GLIS3: variants seen among roughly 807,000 people sequenced by gnomAD.
The protein encoded by GLIS3 is zinc finger protein GLIS3.
GLIS3 carries 53 observed loss-of-function variants against 78.6 expected under a neutral mutation model. That is an observed-to-expected ratio of 0.67 (90% CI 0.54 to 0.85). GLIS3 has a LOEUF of 0.85. Ranked by LOEUF, GLIS3 falls within the 40% of genes least tolerant of loss-of-function variation. GLIS3 has a pLI of 0.00. For missense variants in GLIS3, 1,703 were observed against 1,231.1 expected, an observed-to-expected ratio of 1.38 and a Z score of -5.74; for synonymous variants, 684 against 509.9, an observed-to-expected ratio of 1.34 and a Z score of -4.60.
chr9:4,303,590 A>G (rs888361719), upstream of GLIS3, among the ~76,000 whole-genome samples: 14 of 152,232 alleles, frequency 9.2e-5, no homozygotes, highest in Non-Finnish European at 1.8e-4. Flanking sequence ...CATTCACAAC[A>G]TCATACCTCT....
At chr9:4,244,033 C>T (rs1823573218) in intron 2 of GLIS3, among the ~76,000 whole-genome samples, 2 of 152,238 alleles carry the variant, frequency 1.3e-5, no homozygotes, top group African/African-American at 2.4e-5. Context: ...CCCCCATGCA[C>T]ATACGTGCAT....
intron 2 of GLIS3, among the ~76,000 whole-genome samples, chr9:4,209,530 G>C (rs763130737): frequency 7.9e-5 from 12 of 152,138 alleles, no homozygotes; most frequent in Non-Finnish European, 1.5e-4. Context: ...CCAGCAACAA[G>C]TCTGTGCTAT....
intron 2 of GLIS3, among the ~76,000 whole-genome samples, chr9:4,187,268 CTTGT>C (rs1391804413): frequency 6.6e-6 from 1 of 152,162 alleles, no homozygotes; most frequent in Non-Finnish European, 1.5e-5. Flanking sequence ...TTCCCCATTG[CTTGT>C]TTTTCTCAGG....
intron 7 of GLIS3, among the ~76,000 whole-genome samples, chr9:3,884,123 CA>C (rs1220543889): frequency 6.6e-6 from 1 of 152,176 alleles, no homozygotes; most frequent in African/African-American, 2.4e-5. Flanking sequence ...ACCTTTAGCT[CA>C]GGTTAATTTG....
chr9:4,218,320 G>T (rs538424540), intron 2 of GLIS3, among the ~76,000 whole-genome samples: 2 of 151,736 alleles, frequency 1.3e-5, no homozygotes, highest in African/African-American at 4.8e-5. Context: ...GTCTCGCTCT[G>T]TCGCCCACAG....
intron 4 of GLIS3, among the ~76,000 whole-genome samples, chr9:4,025,708 G>T (rs944360592): frequency 2.6e-5 from 4 of 152,142 alleles, no homozygotes; most frequent in African/African-American, 9.7e-5. Context: ...TAGATCACAT[G>T]ATAGAATTAA....
Position 4,335,667 on chromosome 9 carries a change from C to G in GLIS3, n.264+11414G>C, listed in dbSNP as rs10974474. The stretch of plus-strand genomic sequence containing the variant: ...GGGTTAAACAAGGGCACTTTCAACA[C>G]GGCTTAGGGTTTTAGTTTAAACCTG... On this transcript the variant is annotated intron_variant and non_coding_transcript_variant, in intron 2 of 4. Coordinates refer to the GLIS3 transcript ENST00000471664. 3.9e-3 allele frequency among the ~76,000 whole-genome samples: 590 copies of G among 152,232 alleles called. 7 individuals are homozygous for G. Among genetic ancestry groups the G allele is most frequent in the African/African-American group, 0.014 (562 of 41,528 alleles).
intron 9 of GLIS3, among the ~76,000 whole-genome samples, chr9:3,846,466 C>T (rs1014877040): frequency 4.6e-5 from 7 of 152,188 alleles, no homozygotes; most frequent in East Asian, 3.9e-4. Context: ...GCTGCAATGA[C>T]GTGAGCATCT....
At chr9:4,246,952 T>A (rs1197322065) in intron 2 of GLIS3, among the ~76,000 whole-genome samples, 1 of 152,240 alleles carries the variant, frequency 6.6e-6, no homozygotes, top group Non-Finnish European at 1.5e-5. Context: ...TCAAGCCAGC[T>A]CACAGCTAGT....
chr9:4,170,995 G>A lies in GLIS3; in HGVS notation c.389-45054C>T, dbSNP rs75808366. ...GAACTGTGTCATGGTAGCACATGCA[G>A]ATCACACAAAGGGAATCATACGAGA... On this transcript the variant is annotated intron_variant, in intron 2 of 10. Transcript: ENST00000381971. Among the ~76,000 whole-genome samples the A allele has an allele frequency of 1.8e-4, 27 of 152,250 alleles. No homozygotes were observed. The East Asian group carries it at 5.2e-3, about 29-fold the overall frequency.
At chr9:4,311,098 G>A (rs1455272890) in intron 2 of GLIS3, among the ~76,000 whole-genome samples, 3 of 152,190 alleles carry the variant, frequency 2.0e-5, no homozygotes, top group Non-Finnish European at 4.4e-5. Context: ...TAATGCTAAG[G>A]AGTCTGTGGA....
At chr9:4,184,810 G>C (rs893104755) in intron 2 of GLIS3, among the ~76,000 whole-genome samples, 1 of 152,128 alleles carries the variant, frequency 6.6e-6, no homozygotes, top group Non-Finnish European at 1.5e-5. Context: ...GTGGAGGAGG[G>C]AGTGAAAAGG....
intron 2 of GLIS3, among the ~76,000 whole-genome samples, chr9:4,272,694 C>G (rs1437751316): frequency 6.6e-6 from 1 of 152,124 alleles, no homozygotes; most frequent in Non-Finnish European, 1.5e-5. Flanking sequence ...CACTAATAAT[C>G]ACTCACTGGC....
the GLIS3 span, among the ~76,000 whole-genome samples, chr9:4,416,819 T>G: frequency 1.4e-5 from 2 of 142,812 alleles, no homozygotes; most frequent in Non-Finnish European, 3.0e-5. Flanking sequence ...TCAGTTTTTT[T>G]TTTTTTTTTT....
chr9:4,264,556 G>T (rs775475606), intron 2 of GLIS3, among the ~76,000 whole-genome samples: 14 of 152,094 alleles, frequency 9.2e-5, no homozygotes, highest in African/African-American at 3.1e-4. Flanking sequence ...TGACCTGGCT[G>T]TACCTCAATC....
chr9:4,399,779 C>G, the GLIS3 span, among the ~76,000 whole-genome samples: 1 of 152,174 alleles, frequency 6.6e-6, no homozygotes, highest in Non-Finnish European at 1.5e-5. Flanking sequence ...ATGCTATGAG[C>G]AGCTACAGAA....
chr9:4,369,362 A>C, the GLIS3 span, among the ~76,000 whole-genome samples: 1 of 152,346 alleles, frequency 6.6e-6, no homozygotes, highest in Admixed American at 6.5e-5. Flanking sequence ...TGATTCTCTC[A>C]TCTGTAAAAT....
At chr9:4,432,089 C>T in the GLIS3 span, among the ~76,000 whole-genome samples, 1 of 152,098 alleles carries the variant, frequency 6.6e-6, no homozygotes, top group Non-Finnish European at 1.5e-5. Flanking sequence ...GTGCATTTGG[C>T]CAGTCAGTAG....
At chr9:4,193,484 A>G (rs1236275721) in intron 2 of GLIS3, among the ~76,000 whole-genome samples, 1 of 152,266 alleles carries the variant, frequency 6.6e-6, no homozygotes, top group East Asian at 1.9e-4. Flanking sequence ...GATGGATAAA[A>G]GAAGGAAGAT....
Sources: gnomAD v4.1 joint callset for allele counts (sites outside exome capture counted in the v4.1 genomes callset) on GRCh38, gnomAD v4.1.1 for gene constraint, MANE v1.5 for transcripts, NCBI Gene and HGNC (gene_info 2026-07-23, HGNC 2026-07-21) for gene names.